Variants in PCSK2 observed in about 807,000 individuals in gnomAD.
PCSK2 encodes proprotein convertase subtilisin/kexin type 2.
In PCSK2, 14 loss-of-function variants were observed where a neutral mutation model predicts 69.7. The observed-to-expected ratio is 0.20, with a 90% CI of 0.13 to 0.31. The LOEUF (loss-of-function observed/expected upper bound fraction) is 0.31. PCSK2 is among the 10% of genes least tolerant of loss of function. PCSK2 has a pLI of 1.00. For synonymous variants in PCSK2, 307 were observed against 320.7 expected, an observed-to-expected ratio of 0.96 and a Z score of 0.46; for missense variants, 544 against 842.5, an observed-to-expected ratio of 0.65 and a Z score of 4.39.
intron 2 of PCSK2, among the ~76,000 whole-genome samples, chr20:17,265,320 C>T (rs181408763): frequency 8.5e-5 from 13 of 152,194 alleles, no homozygotes; most frequent in Admixed American, 7.9e-4. Context: ...AGTTTTAGTG[C>T]CTTTTTAAGG....
intron 1 of PCSK2, among the ~76,000 whole-genome samples, chr20:17,239,809 T>C (rs1986490873): frequency 6.8e-6 from 1 of 147,304 alleles, no homozygotes; most frequent in Admixed American, 6.8e-5. Context: ...TTCCAATAGA[T>C]AGATGAAAAA....
chr20:17,362,611 G>A lies in PCSK2; in HGVS notation c.505+1971G>A, dbSNP rs13339908. 3.5e-3 allele frequency among the ~76,000 whole-genome samples: 528 copies of A among 152,258 alleles called. 7 individuals are homozygous for A. The highest frequency in any genetic ancestry group is 0.012 in the African/African-American group (499 of 41,558). Reference sequence around the variant, plus strand: ...CAGCAAGGTAGATGGATTTCTTATAGGTGGCTCAGGACTCCCAAGAGTAGG... The same window carrying A: ...CAGCAAGGTAGATGGATTTCTTATAAGTGGCTCAGGACTCCCAAGAGTAGG... On this transcript the variant is annotated intron_variant, in intron 4 of 11. Transcript: ENST00000262545.
intron 1 of PCSK2, 60 bp from the exon 2 acceptor site, chr20:17,260,180 C>A: frequency 9.4e-7 from 1 of 1,064,950 alleles, no homozygotes; most frequent in South Asian, 1.3e-5. Flanking sequence ...GCTTTGGTGT[C>A]CCTGTCCCTG....
intron 5 of PCSK2, among the ~76,000 whole-genome samples, chr20:17,403,452 G>T (rs751282814): frequency 6.6e-6 from 1 of 152,194 alleles, no homozygotes; most frequent in Admixed American, 6.5e-5. Context: ...GCAAGTAGGC[G>T]CAATAGCAAA....
chr20:17,448,673 G>C (rs1034243969), intron 8 of PCSK2, among the ~76,000 whole-genome samples: 3 of 151,978 alleles, frequency 2.0e-5, no homozygotes, highest in Non-Finnish European at 4.4e-5. Context: ...AAACACACAT[G>C]GTTGTGATCA....
chr20:17,261,911 A>T (rs1399438914), intron 2 of PCSK2, among the ~76,000 whole-genome samples: 1 of 152,222 alleles, frequency 6.6e-6, no homozygotes, highest in Admixed American at 6.5e-5. Context: ...TTGCTCCAAG[A>T]TTATTCAGAA....
At chr20:17,445,077 G>A (rs916595702) in intron 8 of PCSK2, among the ~76,000 whole-genome samples, 9 of 152,212 alleles carry the variant, frequency 5.9e-5, no homozygotes, top group Admixed American at 1.3e-4. Flanking sequence ...CCTAACCTGA[G>A]ACTTCGAGTC....
intron 4 of PCSK2, among the ~76,000 whole-genome samples, chr20:17,363,641 G>T (rs1369696793): frequency 6.6e-6 from 1 of 152,208 alleles, no homozygotes; most frequent in Non-Finnish European, 1.5e-5. Flanking sequence ...ATCAGAGAAG[G>T]CATGGGTCAA....
At chr20:17,444,159 G>A (rs2032651056) in intron 8 of PCSK2, among the ~76,000 whole-genome samples, 1 of 152,120 alleles carries the variant, frequency 6.6e-6, no homozygotes. Flanking sequence ...ACAAACAAAG[G>A]AGTCAGAGAA....
intron 2 of PCSK2, among the ~76,000 whole-genome samples, chr20:17,287,060 A>G (rs1988536203): frequency 6.6e-6 from 1 of 152,164 alleles, no homozygotes; most frequent in South Asian, 2.1e-4. Flanking sequence ...AGCGGACCAT[A>G]GTCTTTTCTC....
intron 2 of PCSK2, among the ~76,000 whole-genome samples, chr20:17,354,154 A>C (rs73900262): frequency 6.4e-4 from 98 of 152,362 alleles, no homozygotes; most frequent in African/African-American, 2.3e-3. Context: ...ATTACAACAA[A>C]ATTTTTTTAA....
chr20:17,351,648 C>A (rs7266189), intron 2 of PCSK2, among the ~76,000 whole-genome samples: 97,473 of 152,082 alleles, frequency 0.64, 31,529 homozygotes, highest in Admixed American at 0.69. Context: ...ATCCATCATG[C>A]CTTCAAGAAA....
At chr20:17,348,029 AAG>A (rs1990732063) in intron 2 of PCSK2, among the ~76,000 whole-genome samples, 1 of 125,628 alleles carries the variant, frequency 8.0e-6, no homozygotes, top group South Asian at 3.1e-4. Context: ...AAGAGAAAGA[AAG>A]AAGAAAGAAA....
intron 2 of PCSK2, among the ~76,000 whole-genome samples, chr20:17,296,885 G>A (rs1015344699): frequency 6.6e-6 from 1 of 152,078 alleles, no homozygotes; most frequent in Non-Finnish European, 1.5e-5. Flanking sequence ...CCATTCGTTG[G>A]ACTCAAAGAT....
chr20:17,276,769 A>C (rs1010824729), intron 2 of PCSK2, among the ~76,000 whole-genome samples: 2 of 152,196 alleles, frequency 1.3e-5, no homozygotes, highest in African/African-American at 4.8e-5. Flanking sequence ...GAAAAGAGGA[A>C]GTCAAATTGT....
At chr20:17,351,577 G>A (rs2029987450) in intron 2 of PCSK2, among the ~76,000 whole-genome samples, 1 of 152,074 alleles carries the variant, frequency 6.6e-6, no homozygotes, top group Admixed American at 6.6e-5. Context: ...ATCACATAAA[G>A]AGAATGAAAA....
chr20:17,248,192 G>GTC (rs1986841835), intron 1 of PCSK2, among the ~76,000 whole-genome samples: 1 of 150,992 alleles, frequency 6.6e-6, no homozygotes, highest in Non-Finnish European at 1.5e-5. Flanking sequence ...GTGTGTGTGT[G>GTC]TGTGTGTGTG....
chr20:17,325,919 G>C (rs193014241), intron 2 of PCSK2, among the ~76,000 whole-genome samples: 5 of 152,354 alleles, frequency 3.3e-5, no homozygotes, highest in Non-Finnish European at 7.4e-5. Flanking sequence ...GCCACCAGTG[G>C]GCTAGCCCAA....
At chr20:17,310,319 T>C (rs1053788730) in intron 2 of PCSK2, among the ~76,000 whole-genome samples, 1 of 152,156 alleles carries the variant, frequency 6.6e-6, no homozygotes, top group Non-Finnish European at 1.5e-5. Context: ...CCAGGCTCTG[T>C]CTGGAGGTTG....
Sources: gnomAD v4.1 joint callset for allele counts (sites outside exome capture counted in the v4.1 genomes callset) on GRCh38, gnomAD v4.1.1 for gene constraint, MANE v1.5 for transcripts, NCBI Gene and HGNC (gene_info 2026-07-23, HGNC 2026-07-21) for gene names.